The following NRG1 variants were observed in gnomAD, a reference collection of about 807,000 sequenced individuals.
NRG1 encodes pro-neuregulin-1, membrane-bound isoform.
A neutral mutation model predicts 63.8 loss-of-function variants in NRG1; 18 were observed. That is an observed-to-expected ratio of 0.28 (90% CI 0.19 to 0.42). The LOEUF (loss-of-function observed/expected upper bound fraction) is 0.42. Ranked by LOEUF, NRG1 falls within the 10% of genes least tolerant of loss-of-function variation. The pLI is 1.00. For missense variants in NRG1, 762 were observed against 814.7 expected (o/e 0.94, Z 0.79); for synonymous variants, 302 against 301.3 (o/e 1.00, Z -0.02).
chr8:31,757,713 T>C, intron 1 of NRG1, among the ~76,000 whole-genome samples: 1 of 152,138 alleles, frequency 6.6e-6, no homozygotes, highest in East Asian at 1.9e-4. Flanking sequence ...AGAAAATAGA[T>C]GGTGTCAATT....
At chr8:32,698,118 A>G (rs1589268418) in intron 5 of NRG1, among the ~76,000 whole-genome samples, 1 of 152,144 alleles carries the variant, frequency 6.6e-6, no homozygotes, top group African/African-American at 2.4e-5. Context: ...AGGCAGGAGA[A>G]TCACTTGAAC....
At chr8:31,715,904 T>C (rs961166947) in intron 1 of NRG1, among the ~76,000 whole-genome samples, 1 of 152,214 alleles carries the variant, frequency 6.6e-6, no homozygotes, top group African/African-American at 2.4e-5. Flanking sequence ...TTCATGTAAA[T>C]ATAGTTGAAA....
At chr8:32,515,108 A>G (rs1588070757) in intron 1 of NRG1, among the ~76,000 whole-genome samples, 1 of 152,210 alleles carries the variant, frequency 6.6e-6, no homozygotes, top group Middle Eastern at 3.4e-3. Context: ...TTTTGGTAGA[A>G]TGATTTATTT....
At chr8:31,765,131 T>C (rs1817933689) in intron 1 of NRG1, among the ~76,000 whole-genome samples, 1 of 152,196 alleles carries the variant, frequency 6.6e-6, no homozygotes, top group African/African-American at 2.4e-5. Flanking sequence ...GGTGTTCACA[T>C]ATATATTGCT....
chr8:32,412,453 C>T (rs58381612), intron 1 of NRG1, among the ~76,000 whole-genome samples: 17,294 of 75,428 alleles, frequency 0.23, 2,055 homozygotes, highest in African/African-American at 0.25. Context: ...TATATATATA[C>T]ATATATATAT....
exon 12 of NRG1, chr8:32,765,061 G>C (rs1307983441): frequency 6.6e-6 from 1 of 152,074 alleles, no homozygotes; most frequent in Non-Finnish European, 1.5e-5. Context: ...TCAGAAGACA[G>C]CTTGCTCTTA....
chr8:31,743,016 A>T, intron 1 of NRG1, among the ~76,000 whole-genome samples: 1 of 151,922 alleles, frequency 6.6e-6, no homozygotes, highest in East Asian at 1.9e-4. Context: ...ATCCACTTAA[A>T]TCTTTCTTCT....
intron 1 of NRG1, among the ~76,000 whole-genome samples, chr8:32,338,459 A>G (rs573754306): frequency 2.6e-5 from 4 of 152,186 alleles, no homozygotes; most frequent in Non-Finnish European, 4.4e-5. Context: ...ATGTTTGATA[A>G]GTATGAGGCA....
chr8:31,743,391 T>C (rs1815499529), intron 1 of NRG1, among the ~76,000 whole-genome samples: 1 of 152,008 alleles, frequency 6.6e-6, no homozygotes, highest in Non-Finnish European at 1.5e-5. Flanking sequence ...TACTATTCCC[T>C]GTTCATGATA....
At chr8:32,271,336 T>A (rs1851521879) in intron 1 of NRG1, among the ~76,000 whole-genome samples, 1 of 152,150 alleles carries the variant, frequency 6.6e-6, no homozygotes, top group South Asian at 2.1e-4. Flanking sequence ...TAAGAATGAT[T>A]TAAGAAATCA....
intron 1 of NRG1, among the ~76,000 whole-genome samples, chr8:31,821,335 A>G (rs1036622936): frequency 1.3e-5 from 2 of 152,156 alleles, no homozygotes; most frequent in Non-Finnish European, 2.9e-5. Flanking sequence ...TATAAGGTGA[A>G]AGGCACACTG....
chr8:32,694,787 G>A (rs930009434), intron 5 of NRG1, among the ~76,000 whole-genome samples: 13 of 152,158 alleles, frequency 8.5e-5, no homozygotes, highest in Non-Finnish European at 7.4e-5. Flanking sequence ...AAAATCAAAG[G>A]AGCTTTAGTG....
chr8:32,618,080 A>G (rs897490612), intron 5 of NRG1, among the ~76,000 whole-genome samples: 4 of 152,136 alleles, frequency 2.6e-5, no homozygotes, highest in Non-Finnish European at 5.9e-5. Context: ...CTCTCATCAT[A>G]TCCTCCAAAA....
intron 1 of NRG1, among the ~76,000 whole-genome samples, chr8:31,701,991 A>AT (rs1389964798): frequency 6.6e-6 from 1 of 152,120 alleles, no homozygotes; most frequent in African/African-American, 2.4e-5. Context: ...TTGAGTTACA[A>AT]TTTTATTAGA....
chr8:32,152,109 G>C (rs1021699316), intron 1 of NRG1, among the ~76,000 whole-genome samples: 1 of 152,234 alleles, frequency 6.6e-6, no homozygotes, highest in Non-Finnish European at 1.5e-5. Context: ...GCAATCTTAA[G>C]TGTGCATGTA....
chr8:32,087,482 CTTT>C (rs67438409), intron 1 of NRG1, among the ~76,000 whole-genome samples: 1 of 90,278 alleles, frequency 1.1e-5, no homozygotes, highest in African/African-American at 3.8e-5. Context: ...TCTTTTCTTT[CTTT>C]TTTTTTTTTT....
intron 1 of NRG1, among the ~76,000 whole-genome samples, chr8:31,754,691 C>T (rs117988496): frequency 1.3e-5 from 2 of 152,218 alleles, no homozygotes; most frequent in Non-Finnish European, 2.9e-5. Context: ...AGCATTCCAT[C>T]TAAGCAGCTG....
intron 1 of NRG1, among the ~76,000 whole-genome samples, chr8:32,521,661 T>C (rs980131043): frequency 1.3e-5 from 2 of 152,200 alleles, no homozygotes; most frequent in African/African-American, 4.8e-5. Flanking sequence ...CAAAGTCAGA[T>C]ATTGAAAGGT....
chr8:31,917,895 G>C (rs537893413), intron 1 of NRG1, among the ~76,000 whole-genome samples: 11 of 152,264 alleles, frequency 7.2e-5, no homozygotes, highest in African/African-American at 2.6e-4. Flanking sequence ...GCAGTGGTTT[G>C]TAGTTCTCCT....
Sources: gnomAD v4.1 joint callset for allele counts (sites outside exome capture counted in the v4.1 genomes callset) on GRCh38, gnomAD v4.1.1 for gene constraint, MANE v1.5 for transcripts, NCBI Gene and HGNC (gene_info 2026-07-23, HGNC 2026-07-21) for gene names.